Variants in SLC6A17 observed in about 807,000 individuals in gnomAD.
The protein encoded by SLC6A17 is sodium-dependent neutral amino acid transporter SLC6A17.
In SLC6A17, 21 loss-of-function variants were observed where a neutral mutation model predicts 64.5. The observed-to-expected ratio is 0.33, with a 90% CI of 0.23 to 0.47. The LOEUF is 0.47. Ranked by LOEUF, SLC6A17 falls within the 20% of genes least tolerant of loss-of-function variation. SLC6A17 has a pLI of 1.00. For missense variants in SLC6A17, 682 were observed against 963.2 expected (o/e 0.71, Z 3.86); for synonymous variants, 372 against 399.5 (o/e 0.93, Z 0.82).
chr1:110,190,104 G>A (rs1006197152), intron 6 of SLC6A17, among the ~76,000 whole-genome samples: 7 of 152,230 alleles, frequency 4.6e-5, no homozygotes, highest in Admixed American at 3.9e-4. Context: ...TGATGGATGA[G>A]TGGCTACATG....
intron 2 of SLC6A17, among the ~76,000 whole-genome samples, 156 bp from the exon 3 acceptor site, chr1:110,171,904 G>A (rs1656234698): frequency 6.6e-6 from 1 of 152,148 alleles, no homozygotes; most frequent in Non-Finnish European, 1.5e-5. Context: ...TAGGCCACAC[G>A]TATGGCCACA....
intron 6 of SLC6A17, 43 bp downstream of exon 6, chr1:110,176,782 TCTA>T (rs1269313007): frequency 6.5e-7 from 1 of 1,546,362 alleles, no homozygotes; most frequent in Admixed American, 1.7e-5. Context: ...CAGCAACAGG[TCTA>T]CTGGGCCTGG....
At chr1:110,172,452 C>G (rs541917237) in intron 3 of SLC6A17, 3 of 548,934 alleles carry the variant, frequency 5.5e-6, no homozygotes, top group African/African-American at 1.9e-5. Context: ...GCCATTGGTG[C>G]TAAGGAGGAA....
chr1:110,174,971 AG>A lies in SLC6A17; in HGVS notation c.753+17del, dbSNP rs752269820. ...CAGTCCTCGGGGAAGGTGAGTGCTG[AG>A]GGGGGCACCCAGGACCCAAATGGGG... On this transcript the variant is annotated intron_variant, in intron 5 of 11. Coordinates refer to ENST00000331565, the MANE Select transcript of SLC6A17 (RefSeq NM_001010898.4). 1.3e-5 allele frequency: 21 copies of A among 1,610,232 alleles called. No homozygotes were observed. The African/African-American group carries it at 2.1e-4, about 16-fold the overall frequency.
chr1:110,166,818 C>A, intron 1 of SLC6A17, 25 bp from the exon 2 acceptor site: 1 of 1,388,596 alleles, frequency 7.2e-7, no homozygotes, highest in Non-Finnish European at 9.6e-7. Context: ...TCAGATAATC[C>A]TTTACTGCTC....
At chr1:110,178,534 C>A in intron 6 of SLC6A17, 1 of 152,338 alleles carries the variant, frequency 6.6e-6, no homozygotes. Context: ...CCTTCCCTTC[C>A]CAAAGATAGC....
chr1:110,189,512 G>A (rs1020592076), intron 6 of SLC6A17, among the ~76,000 whole-genome samples: 5 of 152,156 alleles, frequency 3.3e-5, no homozygotes, highest in Non-Finnish European at 7.3e-5. Context: ...CCGCTTCCTC[G>A]AAGGTCTGCT....
At chr1:110,174,487 T>C (rs1410964630) in intron 4 of SLC6A17, among the ~76,000 whole-genome samples, 1 of 152,184 alleles carries the variant, frequency 6.6e-6, no homozygotes, top group Non-Finnish European at 1.5e-5. Flanking sequence ...CGAGGAACTT[T>C]AGGCCAATTC....
rs1252618204 is a variant in SLC6A17 at position 110,166,961 on chromosome 1, A to G, written c.32A>G (p.Glu11Gly). The G allele has an allele frequency of 6.2e-7, 1 of 1,613,276 alleles. No homozygotes were observed. The highest frequency in any genetic ancestry group is 8.5e-7 in the Non-Finnish European group (1 of 1,179,482). MPKNSKVTQR[E>G]HSSEHVTESV... The stretch of plus-strand genomic sequence containing the variant: ...AAGAACAGCAAAGTGACCCAGCGTG[A>G]GCACAGCAGTGAGCATGTCACTGAG... The change falls in exon 2 of 12, where the codon GAG (glutamate) becomes GGG (glycine). Residue 11 changes from glutamate (E) to glycine (G), a missense_variant. Transcript: ENST00000331565.
chr1:110,198,456 G>A lies in SLC6A17; in HGVS notation c.*12G>A. 1 of 1,585,598 alleles carries A rather than the reference G, an allele frequency of 6.3e-7. No homozygotes were observed. The highest frequency in any genetic ancestry group is 8.6e-7 in the Non-Finnish European group (1 of 1,165,032). On this transcript the variant is annotated 3_prime_UTR_variant, in exon 12 of 12. Transcript: ENST00000331565. ...AGTCGGAGCTGTGACCACTGCCCAA[G>A]CCCTGCCCGCCTCTCCCCCCACGCT...
At chr1:110,165,253 C>T (rs140415592) in intron 1 of SLC6A17, among the ~76,000 whole-genome samples, 55 of 152,282 alleles carry the variant, frequency 3.6e-4, no homozygotes, top group South Asian at 2.3e-3. Context: ...ACAGGCAACA[C>T]GGCAGCCCTG....
chr1:110,195,442 TGCAGGACTGAGCCTGCTG>T (rs1656935785), intron 9 of SLC6A17, 126 bp from the exon 10 acceptor site: 1 of 971,280 alleles, frequency 1.0e-6, no homozygotes, highest in Admixed American at 2.6e-5. Context: ...GGATCCCTCG[TGCAGGACTGAGCCTGCTG>T]GCAGGAGGGC....
chr1:110,153,429 T>G (rs1032542429), intron 1 of SLC6A17, among the ~76,000 whole-genome samples: 1 of 152,068 alleles, frequency 6.6e-6, no homozygotes, highest in Non-Finnish European at 1.5e-5. Context: ...CTAAGATGTG[T>G]GTGCCTTAAG....
In SLC6A17 at chr1:110,167,095, GAT is replaced by G; in HGVS notation, c.167_168del (p.Asp56GlyfsTer10). ...GCAGAAGGCGGTGGAGGAGGAGCTG[GAT>G]GCAGAGGACCGGCCGGCCTGGAACA... ...GKQKAVEEELDAEDRPAWNSK... is the reference protein window; with the variant it reads ...GKQKAVEEELXAEDRPAWNSK... On this transcript the variant is annotated frameshift_variant, in exon 2 of 12. Transcript: ENST00000331565. LOFTEE classifies it high-confidence loss of function. 6.2e-7 allele frequency: 1 copy of G among 1,612,376 alleles called. No homozygotes were observed. The highest frequency in any genetic ancestry group is 8.5e-7 in the Non-Finnish European group (1 of 1,179,464).
intron 1 of SLC6A17, among the ~76,000 whole-genome samples, chr1:110,158,882 T>A (rs933951444): frequency 1.3e-5 from 2 of 152,226 alleles, no homozygotes; most frequent in Non-Finnish European, 2.9e-5. Context: ...AATCAATAGC[T>A]GTTTCAAAAT....
chr1:110,168,899 GA>G (rs1390647612), intron 2 of SLC6A17, among the ~76,000 whole-genome samples: 9 of 152,158 alleles, frequency 5.9e-5, no homozygotes, highest in African/African-American at 2.2e-4. Context: ...TACCCTAGAG[GA>G]AAAGCATTGT....
At chr1:110,175,712 T>G (rs566307270) in intron 5 of SLC6A17, among the ~76,000 whole-genome samples, 1 of 152,322 alleles carries the variant, frequency 6.6e-6, no homozygotes, top group South Asian at 2.1e-4. Context: ...TCGGGTTCTT[T>G]TCCAGATTTG....
intron 6 of SLC6A17, among the ~76,000 whole-genome samples, chr1:110,179,742 G>A (rs903600468): frequency 1.3e-5 from 2 of 151,990 alleles, no homozygotes; most frequent in Non-Finnish European, 2.9e-5. Flanking sequence ...TAGTAGAGAC[G>A]GGGTTTCTCC....
At chr1:110,190,664 C>T (rs1489641363) in intron 6 of SLC6A17, among the ~76,000 whole-genome samples, 2 of 152,182 alleles carry the variant, frequency 1.3e-5, no homozygotes, top group East Asian at 3.8e-4. Flanking sequence ...GGGCCAGGAC[C>T]CACACAGGGC....
Sources: allele counts gnomAD v4.1 joint callset (sites outside exome capture counted in the v4.1 genomes callset), GRCh38; gene constraint gnomAD v4.1.1; transcripts MANE v1.5; gene names NCBI Gene and HGNC (gene_info 2026-07-23, HGNC 2026-07-21).